Variants in EYS observed in about 807,000 individuals in gnomAD.
EYS encodes EGF-like photoreceptor maintenance factor.
Under a neutral mutation model 282.1 loss-of-function variants are expected in EYS, and 250 were observed. The ratio of observed to expected loss-of-function variants is 0.89; its 90% confidence interval spans 0.80 to 0.98. EYS has a LOEUF of 0.98. EYS is among the 50% of genes least tolerant of loss of function. The pLI is 0.00. For missense variants in EYS, 4,016 were observed against 3,709.0 expected (o/e 1.08, Z -2.15); for synonymous variants, 1,355 against 1,282.9 (o/e 1.06, Z -1.20).
chr6:64,644,080 T>G (rs1453624293), intron 22 of EYS, among the ~76,000 whole-genome samples: 1 of 152,202 alleles, frequency 6.6e-6, no homozygotes, highest in Non-Finnish European at 1.5e-5. Context: ...ATGACCTGAT[T>G]TTTCTTTTGA....
At chr6:65,037,618 A>T (rs1257551323) in intron 13 of EYS, among the ~76,000 whole-genome samples, 1 of 151,844 alleles carries the variant, frequency 6.6e-6, no homozygotes, top group African/African-American at 2.4e-5. Flanking sequence ...TATAACATAC[A>T]AAATACACAT....
At chr6:65,471,918 C>A (rs1765231602) in intron 5 of EYS, among the ~76,000 whole-genome samples, 1 of 151,826 alleles carries the variant, frequency 6.6e-6, no homozygotes, top group African/African-American at 2.4e-5. Context: ...AAATATAGAA[C>A]CTAAATGGGA....
intron 28 of EYS, among the ~76,000 whole-genome samples, chr6:64,434,425 T>C (rs1203641048): frequency 6.6e-6 from 1 of 152,096 alleles, no homozygotes; most frequent in African/African-American, 2.4e-5. Context: ...GTAAAGCATA[T>C]GGTACATGTT....
At chr6:63,849,856 G>C (rs1047851539) in intron 36 of EYS, among the ~76,000 whole-genome samples, 7 of 152,164 alleles carry the variant, frequency 4.6e-5, no homozygotes, top group Non-Finnish European at 8.8e-5. Context: ...AGGCTTTAGA[G>C]GGTGGGTAAT....
At chr6:64,459,367 T>C (rs28445464) in intron 26 of EYS, among the ~76,000 whole-genome samples, 5,856 of 152,280 alleles carry the variant, frequency 0.038, 364 homozygotes, top group African/African-American at 0.13. Context: ...GGGGAATCCT[T>C]ATTTTTTCTT....
At chr6:65,179,778 C>A (rs1038072342) in intron 12 of EYS, among the ~76,000 whole-genome samples, 1 of 151,974 alleles carries the variant, frequency 6.6e-6, no homozygotes. Flanking sequence ...GACCAATATC[C>A]TTGATGAACA....
At chr6:65,434,668 A>G (rs891582836) in intron 5 of EYS, among the ~76,000 whole-genome samples, 2 of 152,090 alleles carry the variant, frequency 1.3e-5, no homozygotes, top group East Asian at 3.9e-4. Context: ...TTCAACTTAA[A>G]TGTTTCATCT....
chr6:64,770,750 A>T (rs936253948), intron 22 of EYS, among the ~76,000 whole-genome samples: 2 of 151,884 alleles, frequency 1.3e-5, no homozygotes, highest in Admixed American at 1.3e-4. Flanking sequence ...TTCATAAAGG[A>T]ACCTCAAATG....
rs1771482917 is a variant in EYS, at chr6:64,069,240, A to G, written c.6572-2749T>C. ...TTAATGGTAACTTGGTATAGCAGCA[A>G]TACAAAATAATGCAGGGATCATTTT... On this transcript the variant is annotated intron_variant, in intron 32 of 42. Transcript: ENST00000503581. Among the ~76,000 whole-genome samples the G allele has an allele frequency of 3.3e-5, 5 of 152,250 alleles. No homozygotes were observed. The South Asian group carries it at 1.0e-3, about 32-fold the overall frequency.
At chr6:64,346,228 T>A (rs1174777106) in intron 29 of EYS, among the ~76,000 whole-genome samples, 1 of 152,124 alleles carries the variant, frequency 6.6e-6, no homozygotes, top group Non-Finnish European at 1.5e-5. Context: ...TTATAAATCA[T>A]GCTGCTATAA....
chr6:64,124,133 G>A (rs148391188), intron 31 of EYS, among the ~76,000 whole-genome samples: 10 of 152,316 alleles, frequency 6.6e-5, no homozygotes, highest in African/African-American at 2.4e-4. Context: ...TTAAAGCAAG[G>A]ATTCTTGTAG....
chr6:64,815,336 C>A, intron 21 of EYS: 1 of 304,304 alleles, frequency 3.3e-6, no homozygotes, highest in Non-Finnish European at 6.6e-6. Context: ...GGCATGGAAA[C>A]ATGTTTCTCC....
At chr6:64,260,876 TA>T (rs1488489775) in intron 30 of EYS, among the ~76,000 whole-genome samples, 1 of 152,032 alleles carries the variant, frequency 6.6e-6, no homozygotes, top group Non-Finnish European at 1.5e-5. Flanking sequence ...TATCTTTTTT[TA>T]GTTTTTAGTT....
At chr6:65,556,298 C>A (rs1205899142) in intron 2 of EYS, among the ~76,000 whole-genome samples, 2 of 151,814 alleles carry the variant, frequency 1.3e-5, no homozygotes, top group Non-Finnish European at 2.9e-5. Flanking sequence ...TAGAAAGACC[C>A]CATTTATTTT....
At chr6:65,451,322 T>G (rs1030293616) in intron 5 of EYS, among the ~76,000 whole-genome samples, 1 of 152,090 alleles carries the variant, frequency 6.6e-6, no homozygotes, top group African/African-American at 2.4e-5. Flanking sequence ...TTTGTTTATT[T>G]ACACCCCTCA....
At chr6:64,902,923 G>T (rs1447453257) in intron 16 of EYS, among the ~76,000 whole-genome samples, 1 of 151,968 alleles carries the variant, frequency 6.6e-6, no homozygotes, top group Admixed American at 6.6e-5. Context: ...TTATTTAATT[G>T]CTTTTTATAT....
chr6:64,239,717 T>C (rs1479603635), intron 30 of EYS, among the ~76,000 whole-genome samples: 3 of 152,112 alleles, frequency 2.0e-5, no homozygotes, highest in Non-Finnish European at 2.9e-5. Context: ...CTGTTCACTC[T>C]GATGAGAGTT....
chr6:65,359,051 A>G lies in EYS; in HGVS notation c.1300-5434T>C, dbSNP rs113658446. 2.6e-3 allele frequency among the ~76,000 whole-genome samples: 398 copies of G among 152,196 alleles called. 4 individuals are homozygous for G. The highest frequency in any genetic ancestry group is 9.2e-3 in the African/African-American group (383 of 41,572). ...TGACAGTGAACTAATTAAATGGTACATATTAGACAACTAAACTTGAACTGA... is the reference window on the plus strand; with the variant it reads ...TGACAGTGAACTAATTAAATGGTACGTATTAGACAACTAAACTTGAACTGA... On this transcript the variant is annotated intron_variant, in intron 8 of 42. Coordinates refer to ENST00000503581, the MANE Select transcript of EYS (RefSeq NM_001142800.2).
intron 31 of EYS, among the ~76,000 whole-genome samples, chr6:64,109,978 T>C (rs1021456138): frequency 1.3e-5 from 2 of 151,954 alleles, no homozygotes; most frequent in Admixed American, 1.3e-4. Flanking sequence ...GATAGAAGAG[T>C]GCTTCCAAAG....
Sources: allele counts gnomAD v4.1 joint callset (sites outside exome capture counted in the v4.1 genomes callset), GRCh38; gene constraint gnomAD v4.1.1; transcripts MANE v1.5; gene names NCBI Gene and HGNC (gene_info 2026-07-23, HGNC 2026-07-21).